Variants in ST13 observed in about 807,000 individuals in gnomAD.
The protein encoded by ST13 is ST13 Hsp70 interacting protein.
Under a neutral mutation model 56.7 loss-of-function variants are expected in ST13, and 23 were observed. The observed-to-expected ratio is 0.41, with a 90% confidence interval of 0.29 to 0.57. The LOEUF is 0.57. Ranked by LOEUF, ST13 falls within the 20% of genes least tolerant of loss-of-function variation. ST13 has a pLI of 0.36. For synonymous variants in ST13, 132 were observed against 142.4 expected (o/e 0.93, Z 0.52); for missense variants, 369 against 459.9 (o/e 0.80, Z 1.81).
intron 3 of ST13, among the ~76,000 whole-genome samples, chr22:40,846,943 C>G (rs915638450): frequency 6.6e-6 from 1 of 151,500 alleles, no homozygotes; most frequent in African/African-American, 2.4e-5. Flanking sequence ...TGCAGTGAGC[C>G]GAAACTGTGC....
At chr22:40,849,595 A>C (rs1345056587) in intron 2 of ST13, among the ~76,000 whole-genome samples, 3 of 152,080 alleles carry the variant, frequency 2.0e-5, no homozygotes, top group Admixed American at 6.5e-5. Context: ...ATTGAAAAGA[A>C]AAGACAAGCC....
At chr22:40,849,453 C>G (rs6002179) in intron 2 of ST13, among the ~76,000 whole-genome samples, 8,837 of 138,796 alleles carry the variant, frequency 0.064, 361 homozygotes, top group East Asian at 0.21. Context: ...GCACTCCAGC[C>G]TGGGCAACAG....
chr22:40,850,293 C>T (rs1261250279), intron 2 of ST13, among the ~76,000 whole-genome samples: 1 of 152,120 alleles, frequency 6.6e-6, no homozygotes, highest in African/African-American at 2.4e-5. Context: ...AGAAAACATT[C>T]TTAAACATGT....
At chr22:40,845,811 A>G (rs1160269779) in intron 3 of ST13, among the ~76,000 whole-genome samples, 1 of 152,160 alleles carries the variant, frequency 6.6e-6, no homozygotes, top group Non-Finnish European at 1.5e-5. Context: ...TAGTCAAAAA[A>G]AAAAAATTTA....
rs747718210 is a variant in ST13 at position 40,856,543 on chromosome 22, T to G, written c.-3A>C. On this transcript the variant is annotated 5_prime_UTR_variant, in exon 1 of 12. Coordinates refer to ENST00000216218, the MANE Select transcript of ST13 (RefSeq NM_003932.5). ...TCGTTCACTTTGCGGGGGTCCATGG[T>G]AGGGAGGTGGTGGGCGAAACTGGGG... The G allele has an allele frequency of 2.2e-5, 35 of 1,611,396 alleles. No homozygotes were observed. Among genetic ancestry groups the G allele is most frequent in the Non-Finnish European group, 2.5e-5 (30 of 1,179,372 alleles).
intron 5 of ST13, 37 bp downstream of exon 5, chr22:40,840,589 C>T: frequency 6.3e-7 from 1 of 1,575,710 alleles, no homozygotes; most frequent in Non-Finnish European, 8.7e-7. Context: ...AATAAATATT[C>T]TGACTACCAT....
intron 9 of ST13, 146 bp downstream of exon 9, chr22:40,830,694 A>T (rs568134008): frequency 2.2e-6 from 1 of 446,408 alleles, no homozygotes; most frequent in South Asian, 6.5e-5. Context: ...ATACAGTGAA[A>T]GGAGACTCCC....
rs181955338 is a variant in ST13 at position 40,827,243 on chromosome 22, T to C, written c.848-14A>G. The C allele has an allele frequency of 1.1e-4, 173 of 1,612,984 alleles. 1 individual carries two copies. In the East Asian group the frequency reaches 3.7e-3, roughly 35 times the overall value. On this transcript the variant is annotated splice_polypyrimidine_tract_variant and intron_variant, in intron 10 of 11. Coordinates refer to ENST00000216218, the MANE Select transcript of ST13 (RefSeq NM_003932.5). ...CAGGAAAGCCACCTGTAATAAAAAA[T>C]GAATAGACACTAATCATACTCCCAA...
Position 40,826,612 on chromosome 22 carries a change from A to G in ST13, c.1036T>C (p.Ser346Pro). 1 of 1,606,356 alleles carries G rather than the reference A, an allele frequency of 6.2e-7. No individual in the cohort carries two copies. Among genetic ancestry groups the G allele is most frequent in the Non-Finnish European group, 8.5e-7 (1 of 1,179,744 alleles). Residue 346 changes from serine (S) to proline (P), a missense_variant, in exon 12 of 12, where the codon TCA becomes CCA. By Grantham distance (74) the Ser-to-Pro change is moderately conservative (BLOSUM62 -1). This residue lies in a region of ST13 where 136 missense variants were observed against 159.2 expected (regional missense o/e 0.85). Transcript: ENST00000216218. ...QDVAQNPANM[S>P]KYQSNPKVMN... ...ACCTTTGGGTTGCTCTGGTATTTTG[A>G]CATATTTGCTGGGTTCTGAGCCACA...
chr22:40,853,112 A>C (rs2057870013), intron 1 of ST13, among the ~76,000 whole-genome samples: 2 of 152,208 alleles, frequency 1.3e-5, no homozygotes, highest in African/African-American at 4.8e-5. Context: ...GAACTGTTTC[A>C]GAATGGAGAC....
intron 4 of ST13, among the ~76,000 whole-genome samples, chr22:40,842,194 G>C (rs924189004): frequency 6.6e-6 from 1 of 152,158 alleles, no homozygotes. Context: ...TCCTTGAGTT[G>C]GTAGCACCAA....
At chr22:40,842,871 G>C (rs1424752107) in intron 4 of ST13, among the ~76,000 whole-genome samples, 1 of 152,182 alleles carries the variant, frequency 6.6e-6, no homozygotes, top group Non-Finnish European at 1.5e-5. Context: ...CAAGACTTAC[G>C]TCAGGTGCAG....
intron 3 of ST13, 56 bp from the exon 4 acceptor site, chr22:40,844,965 TC>T (rs2057823709): frequency 8.0e-7 from 1 of 1,256,750 alleles, no homozygotes. Context: ...TAGTAGCCAC[TC>T]CCAAGATTAT....
At chr22:40,829,386 G>T (rs2057743474) in intron 10 of ST13, among the ~76,000 whole-genome samples, 2 of 152,118 alleles carry the variant, frequency 1.3e-5, no homozygotes, top group African/African-American at 4.8e-5. Context: ...GGTATTCAAA[G>T]ATTTGCCTCA....
chr22:40,829,747 A>C (rs1191594120), intron 9 of ST13, 73 bp from the exon 10 acceptor site: 20 of 771,048 alleles, frequency 2.6e-5, no homozygotes, highest in Non-Finnish European at 3.2e-5. Flanking sequence ...TGTCCATGCA[A>C]GACCATGAAA....
chr22:40,831,272 C>T (rs1416436324), intron 8 of ST13, among the ~76,000 whole-genome samples: 2 of 152,290 alleles, frequency 1.3e-5, no homozygotes, highest in African/African-American at 4.8e-5. Context: ...ATCAGATACA[C>T]AGTGTTTAGG....
chr22:40,829,816 C>T (rs780593311), intron 9 of ST13, 142 bp from the exon 10 acceptor site: 42 of 407,606 alleles, frequency 1.0e-4, no homozygotes, highest in Non-Finnish European at 1.8e-4. Context: ...CTTCATACCC[C>T]CTTCAAACAT....
chr22:40,837,033 C>T (rs550271107), intron 5 of ST13, among the ~76,000 whole-genome samples: 5 of 152,344 alleles, frequency 3.3e-5, no homozygotes, highest in African/African-American at 9.6e-5. Flanking sequence ...CTAGGCTGCT[C>T]TCGAACTCCT....
intron 10 of ST13, among the ~76,000 whole-genome samples, chr22:40,828,026 T>C (rs1210862077): frequency 2.0e-5 from 3 of 152,248 alleles, no homozygotes; most frequent in Non-Finnish European, 4.4e-5. Context: ...AACTATACTC[T>C]TCTAGCATAG....
Sources: allele counts gnomAD v4.1 joint callset (sites outside exome capture counted in the v4.1 genomes callset), GRCh38; gene constraint gnomAD v4.1.1; regional missense constraint gnomAD v4.1.1; transcripts MANE v1.5; gene names NCBI Gene and HGNC (gene_info 2026-07-23, HGNC 2026-07-21).